Variants in ADA2 observed in about 807,000 individuals in gnomAD.
ADA2 encodes adenosine deaminase 2, also known as adenosine deaminase CECR1.
ADA2 carries 29 observed loss-of-function variants against 44.2 expected under a neutral mutation model. The ratio of observed to expected loss-of-function variants is 0.66; its 90% CI spans 0.49 to 0.89. The LOEUF (loss-of-function observed/expected upper bound fraction) is 0.89. Among genes scored for constraint, ADA2 ranks in the 40% least tolerant of loss-of-function variants. The probability of loss-of-function intolerance (pLI) is 0.00; values close to 1 mark genes in which losing one functional copy is unlikely to be tolerated. For synonymous variants in ADA2, 215 were observed against 234.9 expected (o/e 0.92, Z 0.77); for missense variants, 637 against 644.8 (o/e 0.99, Z 0.13).
intron 4 of ADA2, among the ~76,000 whole-genome samples, chr22:17,196,231 G>T (rs1158019789): frequency 2.0e-5 from 3 of 148,072 alleles, no homozygotes; most frequent in Non-Finnish European, 4.4e-5. Context: ...TGATGCAGGA[G>T]AATCACTTGA....
chr22:17,199,435 T>TCCTCTTCCCCTCCCTCCCCTCCTCAAA, intron 4 of ADA2: 1 of 994,826 alleles, frequency 1.0e-6, no homozygotes, highest in Non-Finnish European at 1.6e-6. Flanking sequence ...CCCTCCTCTA[T>TCCTCTTCCCCTCCCTCCCCTCCTCAAA]CCTCTTCCCC....
At chr22:17,191,878 C>A in intron 4 of ADA2, 68 bp from the exon 5 acceptor site, 2 of 1,504,928 alleles carry the variant, frequency 1.3e-6, no homozygotes, top group Non-Finnish European at 1.8e-6. Context: ...TCCCAGCCAC[C>A]CCTGCCCAGC....
chr22:17,213,900 G>C, intron 1 of ADA2: 1 of 310,608 alleles, frequency 3.2e-6, no homozygotes, highest in South Asian at 2.8e-5. Context: ...TTAGCTGGGC[G>C]TGGTGGTGTG....
chr22:17,190,767 C>T (rs1465363896), intron 5 of ADA2, among the ~76,000 whole-genome samples: 1 of 152,252 alleles, frequency 6.6e-6, no homozygotes, highest in East Asian at 1.9e-4. Context: ...CTGCCACTGG[C>T]CCTGGGAAGG....
At chr22:17,182,232 A>G (rs1231429567) in intron 8 of ADA2, among the ~76,000 whole-genome samples, 2 of 152,128 alleles carry the variant, frequency 1.3e-5, no homozygotes, top group African/African-American at 2.4e-5. Flanking sequence ...AGCACTGCAA[A>G]CATCGGGTCA....
At chr22:17,201,639 C>T (rs368959576) in intron 4 of ADA2, among the ~76,000 whole-genome samples, 1 of 152,128 alleles carries the variant, frequency 6.6e-6, no homozygotes, top group African/African-American at 2.4e-5. Context: ...AAGGATCCTG[C>T]CCACTCCCAC....
chr22:17,191,131 TAA>T (rs907414165), intron 5 of ADA2, among the ~76,000 whole-genome samples: 10 of 152,320 alleles, frequency 6.6e-5, no homozygotes, highest in South Asian at 2.1e-4. Context: ...TCTTGTCTGG[TAA>T]AGTCAGAAGG....
intron 8 of ADA2, 111 bp downstream of exon 8, chr22:17,182,493 G>A (rs1304874190): frequency 1.0e-5 from 11 of 1,075,152 alleles, no homozygotes; most frequent in African/African-American, 6.2e-5. Context: ...GTGGAGGGAT[G>A]TAGGTAACAA....
chr22:17,195,493 C>T (rs1457115268), intron 4 of ADA2, among the ~76,000 whole-genome samples: 1 of 151,500 alleles, frequency 6.6e-6, no homozygotes, highest in African/African-American at 2.4e-5. Flanking sequence ...CGCGCCACTG[C>T]ACTCCAGCCT....
At position 17,179,551 on chromosome 22, in the gene ADA2, A is replaced by G. The variant is rs1487247384; in HGVS notation, c.*1932T>C. The stretch of plus-strand genomic sequence containing the variant: ...AGGAAAACCTCTCTGAGACAGTGAC[A>G]TGAACTTGAAACTTGAAGGGTAAAC... On this transcript the variant is annotated 3_prime_UTR_variant, in exon 10 of 10. Transcript: ENST00000399837. 1 of 152,308 alleles carries G rather than the reference A, an allele frequency of 6.6e-6. No homozygotes were observed. The highest frequency in any genetic ancestry group is 2.4e-5 in the African/African-American group (1 of 41,470). 9.4% of individuals were successfully genotyped at this position (152,308 alleles called of 1,614,324 possible). A position where few individuals can be genotyped will look rare whatever the true frequency, so the allele number is the denominator to read the frequency against.
At chr22:17,202,787 G>A (rs1179206890) in intron 4 of ADA2, among the ~76,000 whole-genome samples, 1 of 83,280 alleles carries the variant, frequency 1.2e-5, no homozygotes, top group African/African-American at 5.0e-5. Flanking sequence ...TTTTTTTTGT[G>A]TGTGTGTGTT....
At position 17,193,066 on chromosome 22, in the gene ADA2, T is replaced by A. The variant is rs564930304; in HGVS notation, c.754-1256A>T. 25 of 844,846 alleles carry A rather than the reference T, an allele frequency of 3.0e-5. No individual in the cohort carries two copies. The Admixed American group carries it at 4.6e-4, about 16-fold the overall frequency. The allele number at this position is 844,846 out of a possible 1,614,324, so 52.3% of individuals were successfully genotyped here. Reference sequence around the variant, plus strand: ...AGAAGGTTCAAGGGCCAGATCTCGATGCCCAACAGTGGTTATGGGAGCAAC... The same window carrying A: ...AGAAGGTTCAAGGGCCAGATCTCGAAGCCCAACAGTGGTTATGGGAGCAAC... On this transcript the variant is annotated intron_variant, in intron 4 of 9. Coordinates refer to ENST00000399837, the MANE Select transcript of ADA2 (RefSeq NM_001282225.2).
At chr22:17,213,895 T>G (rs1315305189) in intron 1 of ADA2, 5 of 296,458 alleles carry the variant, frequency 1.7e-5, no homozygotes, top group East Asian at 1.0e-4. Context: ...AAAAATTAGC[T>G]GGGCGTGGTG....
At chr22:17,216,876 T>C (rs1251182465) in intron 1 of ADA2, among the ~76,000 whole-genome samples, 1 of 151,176 alleles carries the variant, frequency 6.6e-6, no homozygotes, top group Non-Finnish European at 1.5e-5. Flanking sequence ...CACAAGATCA[T>C]AAGACATGCT....
At chr22:17,206,760 G>A (rs1170910565) in intron 3 of ADA2, among the ~76,000 whole-genome samples, 3 of 152,094 alleles carry the variant, frequency 2.0e-5, no homozygotes, top group Admixed American at 2.0e-4. Context: ...CTGGGTTAAA[G>A]TGATCCTCCT....
chr22:17,208,269 C>T (rs2062376674), intron 2 of ADA2, among the ~76,000 whole-genome samples: 1 of 150,934 alleles, frequency 6.6e-6, no homozygotes, highest in African/African-American at 2.4e-5. Context: ...ACTAAAAATA[C>T]AAAAATTAGC....
chr22:17,179,517 G>A lies in ADA2; in HGVS notation c.*1966C>T, dbSNP rs74446184. On this transcript the variant is annotated 3_prime_UTR_variant, in exon 10 of 10. Coordinates refer to ENST00000399837, the MANE Select transcript of ADA2 (RefSeq NM_001282225.2). ...GAGCAAGGCTTCCTGAGAGAAACAG[G>A]GCGAGCACAGGAAAACCTCTCTGAG... The A allele has an allele frequency of 0.042, 6,371 of 152,346 alleles. 195 individuals are homozygous for A. The highest frequency in any genetic ancestry group is 0.14 in the East Asian group (703 of 5,186). 9.4% of individuals were successfully genotyped at this position (152,346 alleles called of 1,614,324 possible).
intron 7 of ADA2, among the ~76,000 whole-genome samples, chr22:17,186,854 G>C (rs865832556): frequency 4.9e-5 from 4 of 80,978 alleles, no homozygotes; most frequent in Admixed American, 2.6e-4. Context: ...GGGTGACAGA[G>C]TGAGACTCCA....
intron 3 of ADA2, 34 bp downstream of exon 3, chr22:17,207,037 G>C: frequency 6.5e-7 from 1 of 1,535,542 alleles, no homozygotes. Context: ...CCCATGACAG[G>C]CCTGGGACAT....
Sources: gnomAD v4.1 joint callset for allele counts (sites outside exome capture counted in the v4.1 genomes callset) on GRCh38, gnomAD v4.1.1 for gene constraint, MANE v1.5 for transcripts, NCBI Gene and HGNC (gene_info 2026-07-23, HGNC 2026-07-21) for gene names.